MERTK: variants seen among roughly 807,000 people sequenced by gnomAD.
MERTK encodes the protein MER proto-oncogene, tyrosine kinase, also known as tyrosine-protein kinase Mer.
MERTK carries 69 observed loss-of-function variants against 99.3 expected under a neutral mutation model. That is an observed-to-expected ratio of 0.70 (90% CI 0.57 to 0.85). The LOEUF (loss-of-function observed/expected upper bound fraction) is 0.85. Ranked by LOEUF, MERTK falls within the 40% of genes least tolerant of loss-of-function variation. The pLI, the probability that MERTK is intolerant of heterozygous loss-of-function variation, is 0.00. For missense variants in MERTK, 1,125 were observed against 1,249.4 expected (o/e 0.90, Z 1.50); for synonymous variants, 426 against 467.6 (o/e 0.91, Z 1.15).
At position 112,029,047 on chromosome 2, in the gene MERTK, A is replaced by G. The variant is rs1321692340; in HGVS notation, c.*183A>G. On this transcript the variant is annotated 3_prime_UTR_variant, in exon 19 of 19. Transcript: ENST00000295408. ...ATACATAATATATATTTATTTAAAG[A>G]GAAAAAATATGTGTATATCATGGAA... The G allele has an allele frequency of 4.4e-6, 6 of 1,362,964 alleles. No individual in the cohort carries two copies. The African/African-American group carries it at 8.8e-5, about 20-fold the overall frequency. 84.4% of individuals were successfully genotyped at this position (1,362,964 alleles called of 1,614,324 possible). A position where few individuals can be genotyped will look rare whatever the true frequency, so the allele number is the denominator to read the frequency against.
chr2:111,949,117 C>T (rs1291054580), intron 4 of MERTK, among the ~76,000 whole-genome samples: 1 of 152,062 alleles, frequency 6.6e-6, no homozygotes, highest in Non-Finnish European at 1.5e-5. Flanking sequence ...CAACTCATCA[C>T]TTCTTCAGAG....
intron 8 of MERTK, among the ~76,000 whole-genome samples, chr2:111,986,385 C>A (rs117936349): frequency 1.3e-5 from 2 of 152,312 alleles, no homozygotes; most frequent in East Asian, 3.9e-4. Flanking sequence ...CTATACTAAG[C>A]ATAAAGGTTC....
intron 15 of MERTK, among the ~76,000 whole-genome samples, chr2:112,011,907 GAGAAC>G (rs1677112791): frequency 6.6e-6 from 1 of 152,186 alleles, no homozygotes; most frequent in Non-Finnish European, 1.5e-5. Context: ...TGAGTGAGAG[GAGAAC>G]AGGAGACAGA....
chr2:111,899,035 A>T (rs1454270715), intron 1 of MERTK, among the ~76,000 whole-genome samples: 1 of 152,146 alleles, frequency 6.6e-6, no homozygotes, highest in Non-Finnish European at 1.5e-5. Context: ...ATCGTGGTGA[A>T]GCCGGGTCGG....
chr2:112,029,409 G>A lies in MERTK; in HGVS notation c.*545G>A. 2 of 887,684 alleles carry A rather than the reference G, an allele frequency of 2.3e-6. No individual in the cohort carries two copies. The highest frequency in any genetic ancestry group is 2.7e-6 in the Non-Finnish European group (2 of 740,382). 55.0% of individuals were successfully genotyped at this position (887,684 alleles called of 1,614,324 possible). On this transcript the variant is annotated 3_prime_UTR_variant, in exon 19 of 19. Coordinates refer to ENST00000295408, the MANE Select transcript of MERTK (RefSeq NM_006343.3). ...CTTGAGACTTGAAAGACAGTGGTCG[G>A]CAGCGGCCTTGTGGCCTTTGCAAAG...
chr2:111,947,528 G>A lies in MERTK; in HGVS notation c.718G>A (p.Glu240Lys), dbSNP rs868703580. The A allele has an allele frequency of 5.0e-6, 8 of 1,613,992 alleles. No individual in the cohort carries two copies. The highest frequency in any genetic ancestry group is 1.6e-4 in the Middle Eastern group (1 of 6,078). Residue 240 changes from glutamate (E) to lysine (K), a missense_variant, in exon 4 of 19, where the codon GAA (glutamate) becomes AAA (lysine). Transcript: ENST00000295408. ...GGTTCAAAACAGTAGCCGTGTTAAC[G>A]AACAGCCTGAAAAATCCCCCTCCGT... ...FWVQNSSRVN[E>K]QPEKSPSVLT...
intron 8 of MERTK, among the ~76,000 whole-genome samples, chr2:111,991,518 G>A (rs576745302): frequency 1.9e-4 from 29 of 151,760 alleles, no homozygotes; most frequent in Non-Finnish European, 3.7e-4. Flanking sequence ...GAGCCACCTC[G>A]CCCAGCCCAA....
chr2:111,966,984 T>C (rs559699028), intron 5 of MERTK, among the ~76,000 whole-genome samples: 1 of 152,304 alleles, frequency 6.6e-6, no homozygotes, highest in African/African-American at 2.4e-5. Flanking sequence ...CACAGCTCCA[T>C]GGAGCAGTGC....
At chr2:112,017,367 A>G (rs771705157) in intron 15 of MERTK, among the ~76,000 whole-genome samples, 1 of 152,076 alleles carries the variant, frequency 6.6e-6, no homozygotes, top group Non-Finnish European at 1.5e-5. Context: ...CTAGACAGAA[A>G]AGTTCTCTAA....
intron 2 of MERTK, among the ~76,000 whole-genome samples, chr2:111,942,430 A>G (rs941475245): frequency 2.0e-5 from 3 of 152,208 alleles, no homozygotes; most frequent in African/African-American, 7.2e-5. Flanking sequence ...TGGGCAGGAC[A>G]TCATTCTAGG....
chr2:111,940,553 C>T (rs1684843773), intron 2 of MERTK: 1 of 622,814 alleles, frequency 1.6e-6, no homozygotes, highest in African/African-American at 1.8e-5. Flanking sequence ...GTCAGGTGCT[C>T]CTGAACCAAA....
At chr2:111,944,534 G>GTCCTTAATATAATTC in intron 2 of MERTK, among the ~76,000 whole-genome samples, 1 of 23,606 alleles carries the variant, frequency 4.2e-5, no homozygotes, top group South Asian at 1.4e-3. Context: ...TAAGGAATTA[G>GTCCTTAATATAATTC]CTCACACACA....
At chr2:111,913,351 G>A (rs146297986) in intron 1 of MERTK, among the ~76,000 whole-genome samples, 2 of 152,198 alleles carry the variant, frequency 1.3e-5, no homozygotes, top group Admixed American at 6.5e-5. Context: ...AGTTCTGTAT[G>A]TGCTTTGTTA....
chr2:111,936,693 G>C (rs1391168189), intron 2 of MERTK, among the ~76,000 whole-genome samples: 1 of 152,140 alleles, frequency 6.6e-6, no homozygotes, highest in Non-Finnish European at 1.5e-5. Context: ...TATGAGACTT[G>C]AGTCAGTGGG....
Position 112,028,946 on chromosome 2 carries a change from A to AT in MERTK, c.*85dup, listed in dbSNP as rs147500027. 0.24 allele frequency: 386,585 copies of AT among 1,609,252 alleles called. 50,475 individuals are homozygous for AT. The highest frequency in any genetic ancestry group is 0.35 in the Admixed American group (20,759 of 59,472). On this transcript the variant is annotated 3_prime_UTR_variant, in exon 19 of 19. Coordinates refer to ENST00000295408, the MANE Select transcript of MERTK (RefSeq NM_006343.3). ...TCCAATTGTACCTGATGTTTTTGGT[A>AT]TTTGTCTTCCTTACCAAGTGAACTC... is the stretch of plus-strand genomic sequence containing the variant.
intron 1 of MERTK, among the ~76,000 whole-genome samples, chr2:111,910,300 G>A (rs1229375132): frequency 4.0e-5 from 6 of 148,484 alleles, no homozygotes; most frequent in African/African-American, 1.0e-4. Flanking sequence ...ACAAAGTCTC[G>A]CTCTTGTCCC....
At chr2:111,908,976 C>T (rs528907050) in intron 1 of MERTK, among the ~76,000 whole-genome samples, 1 of 152,264 alleles carries the variant, frequency 6.6e-6, no homozygotes, top group African/African-American at 2.4e-5. Context: ...AAACATATTT[C>T]TCAAAAGAAG....
rs1405794932 is a variant in MERTK at position 111,906,889 on chromosome 2, A to G, written c.61+8093A>G. Among the ~76,000 whole-genome samples, 4 of 152,370 alleles carry G rather than the reference A, an allele frequency of 2.6e-5. No individual in the cohort carries two copies. The East Asian group carries it at 7.7e-4, about 29-fold the overall frequency. On this transcript the variant is annotated intron_variant, in intron 1 of 18. Coordinates refer to ENST00000295408, the MANE Select transcript of MERTK (RefSeq NM_006343.3). ...GTGTGTCCTCCTTCTAAAACTCCAC[A>G]TCCTCACTTGTCAAATGGGAAAGCA...
intron 2 of MERTK, among the ~76,000 whole-genome samples, chr2:111,938,334 T>C (rs1310655261): frequency 6.6e-6 from 1 of 152,164 alleles, no homozygotes; most frequent in African/African-American, 2.4e-5. Context: ...TGGGCTCACG[T>C]GATCCTTCTG....
Sources: gnomAD v4.1 joint callset for allele counts (sites outside exome capture counted in the v4.1 genomes callset) on GRCh38, gnomAD v4.1.1 for gene constraint, MANE v1.5 for transcripts, NCBI Gene and HGNC (gene_info 2026-07-23, HGNC 2026-07-21) for gene names.